Variants in HDAC8 observed in about 807,000 individuals in gnomAD.
HDAC8 encodes the protein histone deacetylase 8.
In HDAC8, 1 loss-of-function variant was observed where a neutral mutation model predicts 32.2. The observed-to-expected ratio is 0.03, with a 90% CI of 0.01 to 0.15. HDAC8 has a LOEUF of 0.15. Among genes scored for constraint, HDAC8 ranks in the 10% least tolerant of loss-of-function variants. The pLI, the probability that HDAC8 is intolerant of heterozygous loss-of-function variation, is 1.00. For synonymous variants in HDAC8, 108 were observed against 113.9 expected (o/e 0.95, Z 0.33); for missense variants, 117 against 300.0 (o/e 0.39, Z 4.51).
At chrX:72,353,509 A>G (rs2044241035) in intron 9 of HDAC8, among the ~76,000 whole-genome samples, 1 of 111,747 alleles carries the variant, frequency 8.9e-6, no homozygotes, top group African/African-American at 3.3e-5. Context: ...GGAACAGACA[A>G]GAGAGGTTAC....
intron 7 of HDAC8, among the ~76,000 whole-genome samples, chrX:72,478,018 T>A (rs1426305909): frequency 8.9e-6 from 1 of 112,669 alleles, no homozygotes; most frequent in Non-Finnish European, 1.9e-5. Context: ...TCTTAGTTAC[T>A]GGACTAAACA....
intron 9 of HDAC8, among the ~76,000 whole-genome samples, chrX:72,352,516 C>T (rs1332407686): frequency 9.0e-6 from 1 of 111,193 alleles, no homozygotes; most frequent in Non-Finnish European, 1.9e-5. Flanking sequence ...GACCCAATCG[C>T]CCCACACTGG....
chrX:72,413,915 G>A (rs879979345), intron 9 of HDAC8, among the ~76,000 whole-genome samples: 2 of 111,977 alleles, frequency 1.8e-5, no homozygotes, highest in Admixed American at 9.4e-5. Flanking sequence ...TATTGCTTAC[G>A]ATAAATCACC....
intron 9 of HDAC8, among the ~76,000 whole-genome samples, chrX:72,442,373 C>T (rs1276372979): frequency 4.5e-5 from 5 of 111,467 alleles, no homozygotes; most frequent in African/African-American, 6.5e-5. Flanking sequence ...AGAGTAGGGG[C>T]CAACATTCAA....
At chrX:72,521,195 T>C (rs2049969742) in intron 4 of HDAC8, among the ~76,000 whole-genome samples, 1 of 109,391 alleles carries the variant, frequency 9.1e-6, no homozygotes, top group African/African-American at 3.5e-5. Flanking sequence ...ATTATTGTAC[T>C]GGGGGGCTGC....
In HDAC8 at chrX:72,350,541, T is replaced by C. The variant is rs140709346; in HGVS notation, c.1111+1192A>G. Among the ~76,000 whole-genome samples the C allele has an allele frequency of 5.1e-4, 57 of 112,131 alleles. No individual in the cohort carries two copies. In the East Asian group the frequency reaches 0.015, roughly 29 times the overall value. ...AGAACTGGTGCTATCTTGGTCATTT[T>C]ATGAATAAACATGAGAATTTCCCTG... On this transcript the variant is annotated intron_variant, in intron 10 of 10. Transcript: ENST00000373573.
In HDAC8 at chrX:72,361,924, G is replaced by A. The variant is rs185140381; in HGVS notation, c.1006-10086C>T. On this transcript the variant is annotated intron_variant, in intron 9 of 10. Transcript: ENST00000373573. ...TCCAAGATCATAACCTTAACACTAT[G>A]TAATACAGTTAAGAGATATGAACTT... 1.8e-4 allele frequency among the ~76,000 whole-genome samples: 20 copies of A among 111,828 alleles called. No homozygotes were observed. The East Asian group carries it at 5.6e-3, about 31-fold the overall frequency.
At chrX:72,504,538 T>TCA (rs782121642) in intron 4 of HDAC8, among the ~76,000 whole-genome samples, 101 of 109,783 alleles carry the variant, frequency 9.2e-4, no homozygotes, top group Non-Finnish European at 1.2e-3. Context: ...TAATATTCCA[T>TCA]CACACACACA....
At chrX:72,392,931 T>C (rs782535716) in intron 9 of HDAC8, among the ~76,000 whole-genome samples, 2 of 111,974 alleles carry the variant, frequency 1.8e-5, no homozygotes, top group African/African-American at 6.5e-5. Flanking sequence ...TAGAAACCAG[T>C]TGGGCAAATA....
At chrX:72,501,191 C>A (rs180904288) in intron 4 of HDAC8, among the ~76,000 whole-genome samples, 199 of 112,016 alleles carry the variant, frequency 1.8e-3, no homozygotes, top group African/African-American at 6.1e-3. Context: ...AATGGCCATA[C>A]TGCTCAAGGC....
chrX:72,477,389 A>G (rs1400460436), intron 7 of HDAC8, among the ~76,000 whole-genome samples: 1 of 112,007 alleles, frequency 8.9e-6, no homozygotes, highest in African/African-American at 3.2e-5. Flanking sequence ...CCTTCCTTAT[A>G]TAACTGATAC....
At chrX:72,514,764 G>A (rs1556023876) in intron 4 of HDAC8, among the ~76,000 whole-genome samples, 1 of 111,384 alleles carries the variant, frequency 9.0e-6, no homozygotes, top group African/African-American at 3.3e-5. Flanking sequence ...CTATTGTTTC[G>A]GCCTCCGAAA....
rs1265013058 is a variant in HDAC8 at position 72,407,534 on chromosome X, A to T, written c.1005+54470T>A. Among the ~76,000 whole-genome samples, 6 of 111,976 alleles carry T rather than the reference A, an allele frequency of 5.4e-5. No homozygotes were observed. The Admixed American group carries it at 5.7e-4, about 11-fold the overall frequency. On this transcript the variant is annotated intron_variant, in intron 9 of 10. Transcript: ENST00000373573. ...GTGACAAAGACCCCATCTTTAGCTG[A>T]ACTAAGGAAAAGTCTCACAACAATA...
chrX:72,518,867 A>G (rs782720397), intron 4 of HDAC8, among the ~76,000 whole-genome samples: 23 of 112,222 alleles, frequency 2.0e-4, no homozygotes, highest in Admixed American at 9.5e-5. Flanking sequence ...ACTCAACAAT[A>G]TACATTTAAG....
chrX:72,432,561 T>C (rs2046848481), intron 9 of HDAC8, among the ~76,000 whole-genome samples: 1 of 110,158 alleles, frequency 9.1e-6, no homozygotes, highest in South Asian at 4.0e-4. Context: ...AGTTATTTTT[T>C]TTTTTTTCAC....
At chrX:72,388,428 G>C (rs1362405191) in intron 9 of HDAC8, among the ~76,000 whole-genome samples, 2 of 109,735 alleles carry the variant, frequency 1.8e-5, no homozygotes, top group Non-Finnish European at 3.8e-5. Context: ...TGGGGTCTTT[G>C]GTAAGCCTTT....
chrX:72,432,593 C>G lies in HDAC8; in HGVS notation c.1005+29411G>C, dbSNP rs1160051955. ...TCACCTGGCTGAGTCTTTCTTACCCCTGAAGTTCTGGCCTTAAATGTCACA... is the reference window on the plus strand; with the variant it reads ...TCACCTGGCTGAGTCTTTCTTACCCGTGAAGTTCTGGCCTTAAATGTCACA... On this transcript the variant is annotated intron_variant, in intron 9 of 10. Transcript: ENST00000373573. Among the ~76,000 whole-genome samples the G allele has an allele frequency of 4.6e-5, 5 of 109,813 alleles. No homozygotes were observed. In the Admixed American group the frequency reaches 4.9e-4, roughly 11 times the overall value.
At chrX:72,523,187 T>C (rs988772704) in intron 4 of HDAC8, among the ~76,000 whole-genome samples, 8 of 112,025 alleles carry the variant, frequency 7.1e-5, no homozygotes, top group Non-Finnish European at 1.1e-4. Flanking sequence ...TGCTAAACTG[T>C]CCTCTGGAAA....
chrX:72,341,613 C>G (rs1042474547), intron 10 of HDAC8, among the ~76,000 whole-genome samples: 3 of 111,675 alleles, frequency 2.7e-5, no homozygotes, highest in Admixed American at 1.9e-4. Flanking sequence ...TCACCACCTC[C>G]AAAGCAGACA....
Sources: allele counts gnomAD v4.1 joint callset (sites outside exome capture counted in the v4.1 genomes callset), GRCh38; gene constraint gnomAD v4.1.1; transcripts MANE v1.5; gene names NCBI Gene and HGNC (gene_info 2026-07-23, HGNC 2026-07-21).